ANK3: variants seen among roughly 807,000 people sequenced by gnomAD.
ANK3 encodes ankyrin-3.
In ANK3, 57 loss-of-function variants were observed where a neutral mutation model predicts 370.9. That is an observed-to-expected ratio of 0.15 (90% CI 0.12 to 0.19). ANK3 has a LOEUF of 0.19. ANK3 is among the 10% of genes least tolerant of loss of function. ANK3 has a pLI of 1.00. For synonymous variants in ANK3, 1,929 were observed against 1,946.3 expected, an observed-to-expected ratio of 0.99 and a Z score of 0.23; for missense variants, 4,439 against 5,302.1, an observed-to-expected ratio of 0.84 and a Z score of 5.06.
At chr10:60,570,568 A>AG in intron 2 of ANK3, among the ~76,000 whole-genome samples, 1 of 152,124 alleles carries the variant, frequency 6.6e-6, no homozygotes, top group Non-Finnish European at 1.5e-5. Flanking sequence ...AAATATAATG[A>AG]GGGGGAAAAA....
chr10:60,497,074 GGA>G (rs1344572255), intron 2 of ANK3, among the ~76,000 whole-genome samples: 1 of 152,164 alleles, frequency 6.6e-6, no homozygotes, highest in Admixed American at 6.5e-5. Context: ...GGCTGAGATA[GGA>G]GGGTCACTTG....
intron 7 of ANK3, among the ~76,000 whole-genome samples, chr10:60,256,595 G>A (rs1398004322): frequency 6.6e-6 from 1 of 152,166 alleles, no homozygotes; most frequent in Non-Finnish European, 1.5e-5. Flanking sequence ...CCTAGGTTGT[G>A]AGCATAGTAC....
At chr10:60,493,464 A>C (rs1360046469) in intron 2 of ANK3, among the ~76,000 whole-genome samples, 4 of 151,056 alleles carry the variant, frequency 2.6e-5, no homozygotes, top group Non-Finnish European at 5.9e-5. Context: ...GAAGCAACAG[A>C]ATTTGGTTCC....
At chr10:60,091,606 G>C (rs900932875) in intron 28 of ANK3, among the ~76,000 whole-genome samples, 1 of 152,122 alleles carries the variant, frequency 6.6e-6, no homozygotes, top group Non-Finnish European at 1.5e-5. Flanking sequence ...CTGGAGGGAG[G>C]ATAGGAGGGA....
chr10:60,415,924 C>G (rs866377622), intron 2 of ANK3, among the ~76,000 whole-genome samples: 1 of 113,296 alleles, frequency 8.8e-6, no homozygotes, highest in African/African-American at 3.8e-5. Context: ...GTGCCCCCCA[C>G]CCCCCCGCCA....
intron 1 of ANK3, among the ~76,000 whole-genome samples, chr10:60,691,244 C>T (rs1468136255): frequency 1.3e-5 from 2 of 152,074 alleles, no homozygotes; most frequent in Admixed American, 6.6e-5. Context: ...ACCCCAAACC[C>T]CAGCATCATG....
intron 23 of ANK3, among the ~76,000 whole-genome samples, chr10:60,147,822 GC>G (rs2094908223): frequency 6.6e-6 from 1 of 152,082 alleles, no homozygotes; most frequent in Non-Finnish European, 1.5e-5. Flanking sequence ...TTCCTGTACA[GC>G]CTGCAGAACC....
Position 60,114,281 on chromosome 10 carries a change from G to A in ANK3, c.2892C>T (p.Ser964=). The part of the protein sequence containing the change: ...EFDSDSLRHY[S]WAADTLDNVN... The stretch of plus-strand genomic sequence containing the variant: ...CATTGTCTAAGGTGTCTGCAGCCCA[G>A]CTGTAATGTCTAAGAGAATCTGAAT... Residue 964 remains serine (S), a synonymous_variant, in exon 26 of 44, where the codon AGC becomes AGT. Coordinates refer to ENST00000280772, the MANE Select transcript of ANK3 (RefSeq NM_020987.5). 6.2e-7 allele frequency: 1 copy of A among 1,609,370 alleles called. No homozygotes were observed. Among genetic ancestry groups the A allele is most frequent in the South Asian group, 1.1e-5 (1 of 90,264 alleles).
intron 2 of ANK3, among the ~76,000 whole-genome samples, chr10:60,467,804 A>T (rs1173546787): frequency 6.6e-6 from 1 of 152,140 alleles, no homozygotes; most frequent in Non-Finnish European, 1.5e-5. Context: ...AACAAACTCG[A>T]TTTATTCCTT....
At chr10:60,501,518 A>G (rs2075795820) in intron 2 of ANK3, among the ~76,000 whole-genome samples, 2 of 152,102 alleles carry the variant, frequency 1.3e-5, no homozygotes, top group South Asian at 4.1e-4. Flanking sequence ...CAGCCTGGCC[A>G]TGATGGAGAA....
chr10:60,561,584 G>A (rs1975443), intron 2 of ANK3, among the ~76,000 whole-genome samples: 105,207 of 152,106 alleles, frequency 0.69, 36,814 homozygotes, highest in South Asian at 0.88. Flanking sequence ...TTTTCGTGAC[G>A]TTTAAAATTC....
At chr10:60,348,347 C>CAAAAAAAAAAAAAAAAAAAAA (rs35147179) in intron 1 of ANK3, among the ~76,000 whole-genome samples, 1 of 68,172 alleles carries the variant, frequency 1.5e-5, no homozygotes, top group African/African-American at 6.5e-5. Context: ...TATCACTAGC[C>CAAAAAAAAAAAAAAAAAAAAA]AAAAAAAAAA....
At chr10:60,472,715 G>A (rs994042461) in intron 2 of ANK3, among the ~76,000 whole-genome samples, 4 of 152,044 alleles carry the variant, frequency 2.6e-5, no homozygotes, top group Admixed American at 1.3e-4. Context: ...AACAGCAACC[G>A]CACAAGCATT....
Position 60,503,479 on chromosome 10 carries a change from C to T in ANK3, c.96+111707G>A, listed in dbSNP as rs1180799287. On this transcript the variant is annotated intron_variant, in intron 2 of 43. Coordinates refer to the ANK3 transcript ENST00000373827. ...CATTTTACAGATTCAGAAACTGAGG[C>T]TTCTCAGAAAGTTAAGTAAATTTTC... Among the ~76,000 whole-genome samples the T allele has an allele frequency of 2.0e-5, 3 of 152,246 alleles. No individual in the cohort carries two copies. The East Asian group carries it at 5.8e-4, about 29-fold the overall frequency.
chr10:60,728,021 C>T (rs1288650283), intron 1 of ANK3, among the ~76,000 whole-genome samples: 1 of 152,160 alleles, frequency 6.6e-6, no homozygotes, highest in East Asian at 1.9e-4. Context: ...CAATTCTGTG[C>T]TTCTCTTTCC....
In ANK3 at chr10:60,106,037, G is replaced by T; in HGVS notation, c.3196C>A (p.His1066Asn). The T allele has an allele frequency of 6.2e-7, 1 of 1,609,048 alleles. No homozygotes were observed. Among genetic ancestry groups the T allele is most frequent in the East Asian group, 2.2e-5 (1 of 44,476 alleles). ...TCTTTTCCTCTCATGGACCCAAAGT[G>T]AGGGATTTCCACTATGACAGGGCTG... The part of the protein sequence containing the change: ...FLGPVIVEIP[H>N]FGSMRGKERE... Residue 1066 changes from histidine to asparagine, a missense_variant, in exon 28 of 44, where the codon CAC becomes AAC. By Grantham distance (68) the His-to-Asn change is moderately conservative. This residue lies in a region of ANK3 where 702 missense variants were observed against 941.5 expected (regional missense o/e 0.75). Coordinates refer to ENST00000280772, the MANE Select transcript of ANK3 (RefSeq NM_020987.5).
chr10:60,042,606 T>C, intron 43 of ANK3, 66 bp downstream of exon 43: 1 of 1,432,750 alleles, frequency 7.0e-7, no homozygotes, highest in Non-Finnish European at 9.7e-7. Flanking sequence ...GAATCACTTA[T>C]TTAGTGAAAA....
At chr10:60,120,868 G>T (rs2093425179) in intron 25 of ANK3, among the ~76,000 whole-genome samples, 1 of 152,122 alleles carries the variant, frequency 6.6e-6, no homozygotes, top group East Asian at 1.9e-4. Flanking sequence ...TTACACTGTT[G>T]GTGGGAATGT....
At chr10:60,186,347 CT>C (rs1555089883) in intron 17 of ANK3, among the ~76,000 whole-genome samples, 80 of 133,256 alleles carry the variant, frequency 6.0e-4, no homozygotes, top group Non-Finnish European at 7.5e-4. Flanking sequence ...ATCTTTCTGT[CT>C]TTTTTTTTTT....
Sources: allele counts gnomAD v4.1 joint callset (sites outside exome capture counted in the v4.1 genomes callset), GRCh38; gene constraint gnomAD v4.1.1; regional missense constraint gnomAD v4.1.1; transcripts MANE v1.5; gene names NCBI Gene and HGNC (gene_info 2026-07-23, HGNC 2026-07-21).